GPC4: variants seen among roughly 807,000 people sequenced by gnomAD.
GPC4 encodes the protein glypican 4.
In GPC4, 10 loss-of-function variants were observed where a neutral mutation model predicts 35.0. The observed-to-expected ratio is 0.29, with a 90% CI of 0.18 to 0.48. GPC4 has a LOEUF of 0.48. GPC4 is among the 20% of genes least tolerant of loss of function. The pLI, the probability that GPC4 is intolerant of heterozygous loss-of-function variation, is 0.99. For synonymous variants in GPC4, 167 were observed against 170.2 expected (o/e 0.98, Z 0.15); for missense variants, 322 against 451.3 (o/e 0.71, Z 2.60).
chrX:133,404,851 CAAA>C (rs763897889), intron 1 of GPC4, among the ~76,000 whole-genome samples: 4 of 20,982 alleles, frequency 1.9e-4, no homozygotes, highest in Non-Finnish European at 1.5e-4. Context: ...GACCCTGTCT[CAAA>C]AAAAAAAAAA....
chrX:133,306,721 C>T (rs1447411963), intron 4 of GPC4, among the ~76,000 whole-genome samples: 1 of 112,208 alleles, frequency 8.9e-6, no homozygotes, highest in Non-Finnish European at 1.9e-5. Flanking sequence ...AATACTAAAA[C>T]TTTGAATAAT....
At chrX:133,349,667 A>T (rs901739102) in intron 1 of GPC4, among the ~76,000 whole-genome samples, 2 of 112,055 alleles carry the variant, frequency 1.8e-5, no homozygotes, top group African/African-American at 6.5e-5. Context: ...GTCACCCAGG[A>T]TGGAGCGCAG....
At position 133,414,847 on chromosome X, in the gene GPC4, T is replaced by A; in HGVS notation, c.119A>T (p.Lys40Ile). The change falls in exon 1 of 9, where the codon AAA (lysine) becomes ATA (isoleucine). Residue 40 changes from lysine (K) to isoleucine (I), a missense_variant. This residue lies in a region of GPC4 where 60 missense variants were observed against 64.1 expected (regional missense o/e 0.94). Coordinates refer to ENST00000370828, the MANE Select transcript of GPC4 (RefSeq NM_001448.3). ...CSEVRRLYVS[K>I]GFNKNDAPLH... ...GGGGGCATCGTTCTTGTTGAAGCCT[T>A]TGGACACGTAAAGACGTCGCACTTC... is the stretch of plus-strand genomic sequence containing the variant. 8.3e-7 allele frequency: 1 copy of A among 1,211,580 alleles called. No individual in the cohort carries two copies. The highest frequency in any genetic ancestry group is 1.1e-6 in the Non-Finnish European group (1 of 895,357).
At chrX:133,328,876 G>A (rs1452600597) in intron 2 of GPC4, among the ~76,000 whole-genome samples, 1 of 111,935 alleles carries the variant, frequency 8.9e-6, no homozygotes, top group Non-Finnish European at 1.9e-5. Context: ...GCTGCTCAGG[G>A]AATCTGTTTT....
At chrX:133,385,647 T>C (rs770784314) in intron 1 of GPC4, among the ~76,000 whole-genome samples, 18 of 111,765 alleles carry the variant, frequency 1.6e-4, no homozygotes, top group African/African-American at 5.8e-4. Context: ...CTGAGATGCT[T>C]GTGAAGTTAA....
intron 1 of GPC4, among the ~76,000 whole-genome samples, chrX:133,400,880 G>A (rs1296718753): frequency 2.4e-5 from 2 of 84,213 alleles, no homozygotes; most frequent in African/African-American, 4.6e-5. Flanking sequence ...GAAGAAGGAC[G>A]AAGTATATGA....
intron 2 of GPC4, among the ~76,000 whole-genome samples, chrX:133,332,341 C>T (rs12008379): frequency 0.39 from 43,383 of 110,261 alleles, 7,488 homozygotes; most frequent in African/African-American, 0.67. Context: ...GTATTTACAC[C>T]GTGTTCTTAT....
At chrX:133,305,388 T>C (rs1305236551) in intron 6 of GPC4, among the ~76,000 whole-genome samples, 3 of 112,290 alleles carry the variant, frequency 2.7e-5, no homozygotes, top group African/African-American at 6.5e-5. Context: ...CTAAACATCA[T>C]TTTATGTTAA....
intron 1 of GPC4, among the ~76,000 whole-genome samples, chrX:133,354,326 T>C (rs1055904959): frequency 1.8e-5 from 2 of 112,377 alleles, no homozygotes; most frequent in African/African-American, 6.5e-5. Flanking sequence ...TTTTTTAAAC[T>C]GCCTTCAAGG....
Position 133,340,187 on chromosome X carries a change from G to T in GPC4, c.161-846C>A, listed in dbSNP as rs1166585121. Among the ~76,000 whole-genome samples the T allele has an allele frequency of 4.5e-5, 5 of 110,492 alleles. No individual in the cohort carries two copies. In the East Asian group the frequency reaches 1.1e-3, roughly 25 times the overall value. ...ATTTGGCTTGCAGTTTGGAGGTGAG[G>T]GTTGGGCGGGGGGTTTTTTCTATAT... On this transcript the variant is annotated intron_variant, in intron 1 of 8. Transcript: ENST00000370828.
chrX:133,321,575 T>C (rs1441106464), intron 3 of GPC4, among the ~76,000 whole-genome samples: 1 of 112,492 alleles, frequency 8.9e-6, no homozygotes, highest in African/African-American at 3.2e-5. Flanking sequence ...TGCACAGATG[T>C]CCAAATCACA....
chrX:133,324,008 A>G (rs907984082), intron 3 of GPC4, 137 bp downstream of exon 3: 16 of 552,701 alleles, frequency 2.9e-5, no homozygotes, highest in Non-Finnish European at 3.9e-5. Flanking sequence ...GTGGGAGAGA[A>G]GAGGTAAGAG....
intron 1 of GPC4, among the ~76,000 whole-genome samples, chrX:133,402,658 C>T (rs1194565678): frequency 1.8e-5 from 2 of 111,692 alleles, no homozygotes; most frequent in Admixed American, 1.9e-4. Flanking sequence ...AATCCCAGCA[C>T]TTTGGGAGGC....
At chrX:133,366,776 C>A (rs1338835716) in intron 1 of GPC4, among the ~76,000 whole-genome samples, 3 of 111,483 alleles carry the variant, frequency 2.7e-5, no homozygotes, top group Non-Finnish European at 5.7e-5. Context: ...AGAGGCTACT[C>A]CCTTTGCAAA....
chrX:133,386,812 T>C (rs977439215), intron 1 of GPC4, among the ~76,000 whole-genome samples: 1 of 112,095 alleles, frequency 8.9e-6, no homozygotes, highest in East Asian at 2.8e-4. Flanking sequence ...GCCAATTTTA[T>C]GCAGAATTAG....
At chrX:133,413,861 G>A (rs1299009190) in intron 1 of GPC4, among the ~76,000 whole-genome samples, 1 of 111,541 alleles carries the variant, frequency 9.0e-6, no homozygotes, top group African/African-American at 3.3e-5. Flanking sequence ...GCCGAACGCT[G>A]CCTCCCCAGC....
intron 1 of GPC4, among the ~76,000 whole-genome samples, chrX:133,404,462 G>C (rs908806687): frequency 9.5e-6 from 1 of 104,877 alleles, no homozygotes; most frequent in Non-Finnish European, 1.9e-5. Context: ...CAGAAGAATC[G>C]CTTGAACCCG....
intron 3 of GPC4, among the ~76,000 whole-genome samples, chrX:133,313,332 G>A (rs1051324384): frequency 8.9e-6 from 1 of 112,768 alleles, no homozygotes; most frequent in Non-Finnish European, 1.9e-5. Flanking sequence ...ACAATAAAAT[G>A]GTAATTGTAT....
At chrX:133,357,728 A>G (rs184207182) in intron 1 of GPC4, among the ~76,000 whole-genome samples, 1 of 110,726 alleles carries the variant, frequency 9.0e-6, no homozygotes, top group African/African-American at 3.3e-5. Flanking sequence ...CACCCTCCTA[A>G]CTTCTCTGAG....
Sources: gnomAD v4.1 joint callset for allele counts (sites outside exome capture counted in the v4.1 genomes callset) on GRCh38, gnomAD v4.1.1 for gene constraint, gnomAD v4.1.1 regional missense constraint, MANE v1.5 for transcripts, NCBI Gene and HGNC (gene_info 2026-07-23, HGNC 2026-07-21) for gene names.